NECTIN4: variants seen among roughly 807,000 people sequenced by gnomAD.
The protein encoded by NECTIN4 is nectin-4.
NECTIN4 carries 19 observed loss-of-function variants against 51.7 expected under a neutral mutation model. That is an observed-to-expected ratio of 0.37 (90% CI 0.26 to 0.54). NECTIN4 has a LOEUF of 0.54. Among genes scored for constraint, NECTIN4 ranks in the 20% least tolerant of loss-of-function variants. The pLI, the probability that NECTIN4 is intolerant of heterozygous loss-of-function variation, is 0.86. For synonymous variants in NECTIN4, 283 were observed against 286.9 expected (o/e 0.99, Z 0.14); for missense variants, 619 against 662.4 (o/e 0.93, Z 0.72).
chr1:161,072,351 T>G lies in NECTIN4; in HGVS notation c.*310A>C. ...CACCACAGTTCACTTGACTCTGATA[T>G]GACAGCATAATACACACCACGGACA... On this transcript the variant is annotated 3_prime_UTR_variant, in exon 9 of 9. Coordinates refer to ENST00000368012, the MANE Select transcript of NECTIN4 (RefSeq NM_030916.3). The G allele has an allele frequency of 2.1e-6, 1 of 473,174 alleles. No homozygotes were observed. 29.3% of individuals were successfully genotyped at this position (473,174 alleles called of 1,614,324 possible).
chr1:161,085,761 C>T (rs755265971), intron 1 of NECTIN4, among the ~76,000 whole-genome samples: 11 of 149,760 alleles, frequency 7.3e-5, no homozygotes, highest in Non-Finnish European at 1.3e-4. Context: ...TGTAGTGGCG[C>T]GATCATGGCT....
rs186687393 is a variant in NECTIN4, at chr1:161,087,776, G to A, written c.79+1442C>T. On this transcript the variant is annotated intron_variant, in intron 1 of 8. Transcript: ENST00000368012. ...AGGAAAGAGATGTTTGTGTGTGTGC[G>A]TGTGTGTCTACTCCTAACGTTGAGT... 2.5e-3 allele frequency among the ~76,000 whole-genome samples: 377 copies of A among 151,932 alleles called. 1 individual carries two copies. Among genetic ancestry groups the A allele is most frequent in the South Asian group, 0.015 (73 of 4,822 alleles).
At chr1:161,079,205 G>T (rs1441311319) in intron 2 of NECTIN4, among the ~76,000 whole-genome samples, 1 of 152,222 alleles carries the variant, frequency 6.6e-6, no homozygotes, top group Non-Finnish European at 1.5e-5. Flanking sequence ...TGGTGGAACT[G>T]TGTCAGGAAC....
chr1:161,087,951 G>C (rs1297408822), intron 1 of NECTIN4, among the ~76,000 whole-genome samples: 1 of 152,130 alleles, frequency 6.6e-6, no homozygotes, highest in African/African-American at 2.4e-5. Flanking sequence ...GAAAGTGACT[G>C]CTGGTTCCCC....
chr1:161,073,438 C>T (rs1408824780), intron 7 of NECTIN4, 139 bp from the exon 8 acceptor site: 1 of 768,064 alleles, frequency 1.3e-6, no homozygotes, highest in Non-Finnish European at 2.2e-6. Flanking sequence ...TGGAAACAAA[C>T]ATCCTCATTT....
At chr1:161,083,479 C>T (rs978444681) in intron 1 of NECTIN4, among the ~76,000 whole-genome samples, 8 of 152,162 alleles carry the variant, frequency 5.3e-5, no homozygotes, top group African/African-American at 1.9e-4. Context: ...GGTGAGGTCA[C>T]CTTGAGGGCA....
In NECTIN4 at chr1:161,079,814, G is replaced by A; in HGVS notation, c.215C>T (p.Ala72Val). 1 of 1,613,642 alleles carries A rather than the reference G, an allele frequency of 6.2e-7. No individual in the cohort carries two copies. Among genetic ancestry groups the A allele is most frequent in the African/African-American group, 1.3e-5 (1 of 75,064 alleles). ...VGQVAWARVD[A>V]GEGAQELALL... The stretch of plus-strand genomic sequence containing the variant: ...CGCTAGTTCCTGGGCGCCTTCGCCC[G>A]CGTCCACCCGAGCCCATGCCACTTG... Residue 72 changes from alanine to valine, a missense_variant, in exon 2 of 9, where the codon GCG becomes GTG. Coordinates refer to ENST00000368012, the MANE Select transcript of NECTIN4 (RefSeq NM_030916.3).
intron 1 of NECTIN4, among the ~76,000 whole-genome samples, chr1:161,080,162 C>G (rs1653614942): frequency 6.6e-6 from 1 of 152,078 alleles, no homozygotes; most frequent in Non-Finnish European, 1.5e-5. Context: ...AAACTGAGAC[C>G]CAGAGAGAGG....
chr1:161,078,251 T>C (rs910596582), intron 2 of NECTIN4, among the ~76,000 whole-genome samples: 1 of 152,054 alleles, frequency 6.6e-6, no homozygotes, highest in African/African-American at 2.4e-5. Context: ...TATTAACTTA[T>C]ATGTGAATAA....
Position 161,074,568 on chromosome 1 carries a change from C to G in NECTIN4, c.1000+43G>C, listed in dbSNP as rs893325929. 5.6e-6 allele frequency: 9 copies of G among 1,613,194 alleles called. No homozygotes were observed. In the African/African-American group the frequency reaches 1.2e-4, roughly 22 times the overall value. ...TGCTTCCTGCTGCCCCCACCAAGCC[C>G]TTGGCCCAGGTCCTTACCAAGGACT... On this transcript the variant is annotated intron_variant, in intron 5 of 8. Transcript: ENST00000368012.
At chr1:161,076,227 T>G in intron 4 of NECTIN4, 128 bp downstream of exon 4, 1 of 1,021,152 alleles carries the variant, frequency 9.8e-7, no homozygotes, top group South Asian at 1.5e-5. Context: ...ATACAAGAGA[T>G]CTGAACACAT....
Position 161,074,257 on chromosome 1 carries a change from G to C in NECTIN4, c.1117C>G (p.Arg373Gly), listed in dbSNP as rs1450188245. The C allele has an allele frequency of 1.2e-6, 2 of 1,613,998 alleles. No homozygotes were observed. Among genetic ancestry groups the C allele is most frequent in the East Asian group, 2.2e-5 (1 of 44,870 alleles). ...TGCTGGGCCTTGCGCCGATGGTATC[G>C]GGACATGAGCACCACCACCACCACC... Reference protein sequence around the residue: ...LLVVVVVLMSRYHRRKAQQMT... With the variant: ...LLVVVVVLMSGYHRRKAQQMT... The change falls in exon 6 of 9, where the codon CGA (arginine) becomes GGA (glycine). Residue 373 changes from arginine to glycine, a missense_variant. Coordinates refer to ENST00000368012, the MANE Select transcript of NECTIN4 (RefSeq NM_030916.3).
chr1:161,082,221 C>G (rs1408515013), intron 1 of NECTIN4, among the ~76,000 whole-genome samples: 1 of 152,078 alleles, frequency 6.6e-6, no homozygotes, highest in East Asian at 1.9e-4. Flanking sequence ...CCCAGCTACT[C>G]GGGAGGCTGA....
In NECTIN4 at chr1:161,089,488, C is replaced by A. The variant is rs567486325; in HGVS notation, c.-192G>T. On this transcript the variant is annotated 5_prime_UTR_variant, in exon 1 of 9. Transcript: ENST00000368012. The surrounding 1 kb of genome is among the most constrained non-coding windows in gnomAD (Gnocchi z 4.1). ...TCTACACACCCAGCCGTAGCTACCC[C>A]CAAGAAGCCGTGATCGGGAGCTCCG... The A allele has an allele frequency of 5.1e-4, 318 of 620,610 alleles. 3 individuals carry two copies. In the East Asian group the frequency reaches 8.8e-3, roughly 17 times the overall value. The allele number at this position is 620,610 out of a possible 1,614,324, so 38.4% of individuals were successfully genotyped here.
chr1:161,081,219 C>T (rs1653664560), intron 1 of NECTIN4, among the ~76,000 whole-genome samples: 1 of 152,112 alleles, frequency 6.6e-6, no homozygotes, highest in Non-Finnish European at 1.5e-5. Flanking sequence ...TCCATACCAG[C>T]AAAGGAATTC....
chr1:161,073,383 C>T, intron 7 of NECTIN4, 84 bp from the exon 8 acceptor site: 1 of 1,161,784 alleles, frequency 8.6e-7, no homozygotes. Flanking sequence ...CCACCAGCCT[C>T]CTCCCTACTT....
rs1423186770 is a variant in NECTIN4 at position 161,071,016 on chromosome 1, T to G, written c.*1645A>C. ...GACAGAACAAGTTTTGTCTGTTTATTTAAAAACAGAATATCATTTTATGTA... is the reference window on the plus strand; with the variant it reads ...GACAGAACAAGTTTTGTCTGTTTATGTAAAAACAGAATATCATTTTATGTA... On this transcript the variant is annotated 3_prime_UTR_variant, in exon 9 of 9. Coordinates refer to ENST00000368012, the MANE Select transcript of NECTIN4 (RefSeq NM_030916.3). 1 of 152,144 alleles carries G rather than the reference T, an allele frequency of 6.6e-6. No homozygotes were observed. The highest frequency in any genetic ancestry group is 1.5e-5 in the Non-Finnish European group (1 of 68,024). 9.4% of individuals were successfully genotyped at this position (152,144 alleles called of 1,614,324 possible).
chr1:161,085,054 C>G (rs929209086), intron 1 of NECTIN4: 1 of 152,398 alleles, frequency 6.6e-6, no homozygotes, highest in African/African-American at 2.4e-5. Flanking sequence ...CAGCAAACCC[C>G]TTTCCATCCA....
In NECTIN4 at chr1:161,072,802, G is replaced by A. The variant is rs761063964; in HGVS notation, c.1392C>T (p.Gly464=). Residue 464 remains glycine, a synonymous_variant, in exon 9 of 9, where the codon GGC becomes GGT. Coordinates refer to ENST00000368012, the MANE Select transcript of NECTIN4 (RefSeq NM_030916.3). ...CTTCCTCCTCCTCGGCCCGCCCAGAGCCTGGAGACAGCAGTTCAGTCTGTG... is the reference window on the plus strand; with the variant it reads ...CTTCCTCCTCCTCGGCCCGCCCAGAACCTGGAGACAGCAGTTCAGTCTGTG... ...IETQTELLSP[G]SGRAEEEEDQ... is the part of the protein sequence containing the mutation. 1 of 1,614,236 alleles carries A rather than the reference G, an allele frequency of 6.2e-7. No homozygotes were observed. The highest frequency in any genetic ancestry group is 8.5e-7 in the Non-Finnish European group (1 of 1,180,046).
Sources: allele counts gnomAD v4.1 joint callset (sites outside exome capture counted in the v4.1 genomes callset), GRCh38; gene constraint gnomAD v4.1.1; non-coding constraint Gnocchi (gnomAD v3.1); transcripts MANE v1.5; gene names NCBI Gene and HGNC (gene_info 2026-07-23, HGNC 2026-07-21).